The following MALRD1 variants were observed in gnomAD, a reference collection of about 807,000 sequenced individuals.
The protein encoded by MALRD1 is MAM and LDL-receptor class A domain-containing protein 1.
MALRD1 carries 247 observed loss-of-function variants against 242.1 expected under a neutral mutation model. The observed-to-expected ratio is 1.02, with a 90% CI of 0.92 to 1.13. The LOEUF (loss-of-function observed/expected upper bound fraction) is 1.13. Ranked by LOEUF, MALRD1 falls within the 50% of genes most tolerant of loss-of-function variation. The pLI is 0.00. For synonymous variants in MALRD1, 995 were observed against 866.6 expected, an observed-to-expected ratio of 1.15 and a Z score of -2.60; for missense variants, 2,989 against 2,533.1, an observed-to-expected ratio of 1.18 and a Z score of -3.86.
intron 28 of MALRD1, among the ~76,000 whole-genome samples, chr10:19,401,066 T>G (rs1846816749): frequency 2.0e-5 from 3 of 151,886 alleles, no homozygotes; most frequent in Admixed American, 1.3e-4. Flanking sequence ...AGAACATTAT[T>G]TCAAATGAGA....
intron 31 of MALRD1, 50 bp downstream of exon 31, chr10:19,498,696 CT>C: frequency 7.9e-6 from 12 of 1,512,442 alleles, no homozygotes; most frequent in Non-Finnish European, 1.1e-5. Flanking sequence ...ATCTTAAAGT[CT>C]GCTTTAACAA....
intron 29 of MALRD1, among the ~76,000 whole-genome samples, chr10:19,475,769 G>T (rs1382681383): frequency 1.3e-5 from 2 of 152,134 alleles, no homozygotes; most frequent in African/African-American, 4.8e-5. Flanking sequence ...ACTGTGTTCT[G>T]CAGTGACCTT....
chr10:19,175,623 T>A (rs1327501842), intron 14 of MALRD1, among the ~76,000 whole-genome samples: 1 of 151,672 alleles, frequency 6.6e-6, no homozygotes, highest in Non-Finnish European at 1.5e-5. Flanking sequence ...ATCTTGCATA[T>A]TTTAAATACA....
chr10:19,172,665 G>GT (rs961443825), intron 13 of MALRD1, among the ~76,000 whole-genome samples: 6 of 150,866 alleles, frequency 4.0e-5, no homozygotes, highest in Admixed American at 1.3e-4. Flanking sequence ...TCAAACTGTC[G>GT]TTTTTTTTCC....
intron 32 of MALRD1, among the ~76,000 whole-genome samples, chr10:19,549,171 A>G (rs900317266): frequency 2.0e-5 from 3 of 152,300 alleles, no homozygotes; most frequent in African/African-American, 7.2e-5. Context: ...TGTGGAAGAA[A>G]AGTTGGAAGC....
rs1839578136 is a variant in MALRD1, at chr10:19,257,695, G to T, written c.3003G>T (p.Glu1001Asp). ...SSRQPFQILV[E>D]ASVGDGFTGD... ...TTTTATTTTTTTAGATATTGGTGGA[G>T]GCTTCAGTGGGAGATGGCTTCACTG... The change falls in exon 19 of 40, where the codon GAG becomes GAT. Residue 1001 changes from glutamate (E) to aspartate (D), a missense_variant. Coordinates refer to ENST00000454679, the MANE Select transcript of MALRD1 (RefSeq NM_001142308.3). 2.0e-6 allele frequency: 3 copies of T among 1,535,406 alleles called. No homozygotes were observed. Among genetic ancestry groups the T allele is most frequent in the Non-Finnish European group, 2.6e-6 (3 of 1,137,642 alleles).
At chr10:19,512,796 G>A (rs909543693) in intron 31 of MALRD1, among the ~76,000 whole-genome samples, 4 of 152,074 alleles carry the variant, frequency 2.6e-5, no homozygotes, top group Admixed American at 2.0e-4. Flanking sequence ...AACCATTTTA[G>A]CAATTTTAGA....
intron 29 of MALRD1, among the ~76,000 whole-genome samples, chr10:19,473,299 A>T (rs1168375794): frequency 1.3e-5 from 2 of 151,952 alleles, no homozygotes; most frequent in East Asian, 3.9e-4. Context: ...AATTTTTAAA[A>T]AAGTATTTAA....
chr10:19,569,198 T>C (rs1836394553), intron 33 of MALRD1, among the ~76,000 whole-genome samples: 1 of 152,050 alleles, frequency 6.6e-6, no homozygotes, highest in Non-Finnish European at 1.5e-5. Context: ...CTGCTGCTGG[T>C]CATGCTAATG....
intron 29 of MALRD1, among the ~76,000 whole-genome samples, chr10:19,482,178 G>T (rs1837023641): frequency 6.6e-6 from 1 of 151,898 alleles, no homozygotes; most frequent in African/African-American, 2.4e-5. Flanking sequence ...CATTATCTTG[G>T]TCTACATATT....
intron 5 of MALRD1, among the ~76,000 whole-genome samples, chr10:19,113,792 T>TACACACACACACACACACACAC (rs753384799): frequency 3.3e-4 from 45 of 134,550 alleles, no homozygotes; most frequent in African/African-American, 1.2e-3. Flanking sequence ...TACCACCCCC[T>TACACACACACACACACACACAC]ACACACACAC....
At chr10:19,277,595 C>T (rs1693152003) in intron 19 of MALRD1, among the ~76,000 whole-genome samples, 1 of 152,188 alleles carries the variant, frequency 6.6e-6, no homozygotes, top group Non-Finnish European at 1.5e-5. Flanking sequence ...TATAGTTTCA[C>T]ACAGGGTAGC....
At position 19,136,586 on chromosome 10, in the gene MALRD1, G is replaced by C. The variant is rs1833347512; in HGVS notation, c.1216G>C (p.Gly406Arg). Reference sequence around the variant, plus strand: ...TTCCTTCCTAAAGATTATTTTTGAAGGGACTCTTTTGAGCCAGAGAAGTTT... The same window carrying C: ...TTCCTTCCTAAAGATTATTTTTGAACGGACTCTTTTGAGCCAGAGAAGTTT... Reference protein sequence around the residue: ...DLKTFKIIFEGTLLSQRSFIA... With the variant: ...DLKTFKIIFERTLLSQRSFIA... Residue 406 changes from glycine (G) to arginine (R), a missense_variant, in exon 10 of 40, where the codon GGG becomes CGG. Coordinates refer to ENST00000454679, the MANE Select transcript of MALRD1 (RefSeq NM_001142308.3). 8.1e-7 allele frequency: 1 copy of C among 1,230,902 alleles called. No individual in the cohort carries two copies. Among genetic ancestry groups the C allele is most frequent in the Non-Finnish European group, 1.0e-6 (1 of 987,312 alleles). The allele number at this position is 1,230,902 out of a possible 1,614,324, so 76.2% of individuals were successfully genotyped here.
intron 33 of MALRD1, among the ~76,000 whole-genome samples, chr10:19,584,895 G>A (rs1837309396): frequency 6.6e-6 from 1 of 151,736 alleles, no homozygotes. Context: ...CTTGCTTTAT[G>A]AATCTGGGTG....
At chr10:19,276,973 G>T (rs1302798014) in intron 19 of MALRD1, among the ~76,000 whole-genome samples, 1 of 152,088 alleles carries the variant, frequency 6.6e-6, no homozygotes, top group Admixed American at 6.6e-5. Context: ...AGACCAGAGT[G>T]CAGTGGTGTG....
At chr10:19,238,786 T>A (rs958199600) in intron 18 of MALRD1, among the ~76,000 whole-genome samples, 1 of 150,864 alleles carries the variant, frequency 6.6e-6, no homozygotes, top group Non-Finnish European at 1.5e-5. Context: ...TTAAATTTTT[T>A]AACGAACTTC....
At chr10:19,435,393 T>A (rs927405695) in intron 28 of MALRD1, among the ~76,000 whole-genome samples, 1 of 152,062 alleles carries the variant, frequency 6.6e-6, no homozygotes, top group Admixed American at 6.6e-5. Flanking sequence ...TTATCCAGAT[T>A]TCCTTGGTTT....
At chr10:19,521,498 C>G (rs1347397363) in intron 31 of MALRD1, among the ~76,000 whole-genome samples, 2 of 152,102 alleles carry the variant, frequency 1.3e-5, no homozygotes, top group African/African-American at 4.8e-5. Flanking sequence ...TTTGTGTCCT[C>G]CCCCTCACTA....
At chr10:19,397,599 C>T (rs149045160) in intron 28 of MALRD1, among the ~76,000 whole-genome samples, 26 of 152,084 alleles carry the variant, frequency 1.7e-4, no homozygotes, top group African/African-American at 5.3e-4. Context: ...AATATATACC[C>T]AGTAGTGGAT....
Sources: allele counts gnomAD v4.1 joint callset (sites outside exome capture counted in the v4.1 genomes callset), GRCh38; gene constraint gnomAD v4.1.1; transcripts MANE v1.5; gene names NCBI Gene and HGNC (gene_info 2026-07-23, HGNC 2026-07-21).